Variants in FGF14 observed in about 807,000 individuals in gnomAD.
FGF14 encodes fibroblast growth factor 14, also known as fibroblast growth factor homologous factor 4.
FGF14 carries 5 observed loss-of-function variants against 25.5 expected under a neutral mutation model. That is an observed-to-expected ratio of 0.20 (90% CI 0.10 to 0.41). The LOEUF is 0.41. FGF14 is among the 10% of genes least tolerant of loss of function. The pLI is 1.00. For synonymous variants in FGF14, 138 were observed against 118.3 expected (o/e 1.17, Z -1.08); for missense variants, 222 against 320.1 (o/e 0.69, Z 2.34).
chr13:102,380,311 C>T (rs926671302), intron 1 of FGF14, among the ~76,000 whole-genome samples: 11 of 152,076 alleles, frequency 7.2e-5, no homozygotes, highest in Admixed American at 5.9e-4. Flanking sequence ...GTTTAAAGTT[C>T]AGCACGAGTG....
chr13:101,897,390 T>C (rs2030857305), intron 1 of FGF14, among the ~76,000 whole-genome samples: 1 of 152,154 alleles, frequency 6.6e-6, no homozygotes, highest in Admixed American at 6.5e-5. Flanking sequence ...CTATTTGGGG[T>C]GTGGCCAAAG....
chr13:101,727,971 T>C (rs771333632), intron 3 of FGF14, among the ~76,000 whole-genome samples: 10 of 152,182 alleles, frequency 6.6e-5, no homozygotes, highest in Non-Finnish European at 1.2e-4. Context: ...ATTTTTGGTT[T>C]TCTTCTAAAA....
intron 1 of FGF14, among the ~76,000 whole-genome samples, chr13:102,316,563 C>A (rs1437707128): frequency 6.6e-6 from 1 of 152,114 alleles, no homozygotes; most frequent in Non-Finnish European, 1.5e-5. Context: ...ACATTGAGAA[C>A]CACTTAGGAC....
chr13:101,778,342 G>A lies in FGF14; in HGVS notation c.409-51532C>T, dbSNP rs372530125. Among the ~76,000 whole-genome samples the A allele has an allele frequency of 1.1e-3, 170 of 152,246 alleles. 2 individuals carry two copies. Among genetic ancestry groups the A allele is most frequent in the African/African-American group, 4.0e-3 (165 of 41,552 alleles). On this transcript the variant is annotated intron_variant, in intron 3 of 4. Transcript: ENST00000376143. ...CTTCCCAGTACAACCCACACCATGT[G>A]AATGTTGCAACACCACTTCCATCAT...
intron 1 of FGF14, among the ~76,000 whole-genome samples, chr13:102,136,086 C>T (rs2046396867): frequency 6.6e-6 from 1 of 151,992 alleles, no homozygotes; most frequent in South Asian, 2.1e-4. Flanking sequence ...CATATTGTGA[C>T]CCAGAACTCT....
Position 101,916,389 on chromosome 13 carries a change from A to C in FGF14, c.193+64T>G, listed in dbSNP as rs968025430. On this transcript the variant is annotated intron_variant, in intron 1 of 4. Coordinates refer to ENST00000376143, the MANE Select transcript of FGF14 (RefSeq NM_004115.4). ...ACCGAGGGAGGGAAGGAGCCTGGAG[A>C]AGCTCCGTTTAGGCGGGGAGGGGGC... The C allele has an allele frequency of 9.1e-5, 144 of 1,584,318 alleles. 2 individuals are homozygous for C. In the South Asian group the frequency reaches 1.5e-3, roughly 17 times the overall value.
intron 1 of FGF14, among the ~76,000 whole-genome samples, chr13:102,258,756 G>T (rs1434672148): frequency 6.6e-6 from 1 of 152,126 alleles, no homozygotes; most frequent in Non-Finnish European, 1.5e-5. Flanking sequence ...TGTGCTCTTG[G>T]TTTCATTAAG....
At chr13:101,981,474 T>G (rs2038260613) in intron 1 of FGF14, among the ~76,000 whole-genome samples, 1 of 152,178 alleles carries the variant, frequency 6.6e-6, no homozygotes, top group Non-Finnish European at 1.5e-5. Flanking sequence ...CTGCCCAGTC[T>G]GGGGTATTTT....
chr13:101,898,452 A>T (rs951831242), intron 1 of FGF14, among the ~76,000 whole-genome samples: 1 of 152,014 alleles, frequency 6.6e-6, no homozygotes, highest in Non-Finnish European at 1.5e-5. Context: ...TGGAATATGG[A>T]TTTACTCAGT....
At chr13:102,401,866 G>C (rs956699874), upstream of FGF14, 2 of 622,528 alleles carry the variant, frequency 3.2e-6, no homozygotes, top group Middle Eastern at 8.5e-4. Flanking sequence ...AAACAGAAAA[G>C]CAAAGAGATC....
chr13:102,229,276 TTAATAAC>T lies in FGF14; in HGVS notation c.208+172188_208+172194del, dbSNP rs1301864880. ...TTAAATCATGCAACCAACAAGAGTA[TTAATAAC>T]TAATGTTTACTTAGTACTTAAGACA... On this transcript the variant is annotated intron_variant, in intron 1 of 4. Coordinates refer to the FGF14 transcript ENST00000376131. Among the ~76,000 whole-genome samples, 3 of 152,192 alleles carry T rather than the reference TTAATAAC, an allele frequency of 2.0e-5. No homozygotes were observed. The East Asian group carries it at 5.8e-4, about 29-fold the overall frequency.
chr13:102,008,501 G>C lies in FGF14; in HGVS notation c.209-133205C>G, dbSNP rs191992473. On this transcript the variant is annotated intron_variant, in intron 1 of 4. Coordinates refer to the FGF14 transcript ENST00000376131. ...GATATTATAGGTCAGGTGCTAGAAA[G>C]ACTTGACATCTTGCACTGGGAAAGT... Among the ~76,000 whole-genome samples the C allele has an allele frequency of 1.4e-4, 21 of 152,324 alleles. No individual in the cohort carries two copies. The East Asian group carries it at 2.9e-3, about 21-fold the overall frequency.
intron 1 of FGF14, among the ~76,000 whole-genome samples, chr13:101,885,669 T>C (rs546340760): frequency 5.8e-4 from 88 of 151,770 alleles, no homozygotes; most frequent in African/African-American, 2.0e-3. Context: ...AAGCCTTTTT[T>C]TGTGTGTGTA....
chr13:101,951,991 C>T (rs1284224308), intron 1 of FGF14, among the ~76,000 whole-genome samples: 7 of 152,030 alleles, frequency 4.6e-5, no homozygotes, highest in Non-Finnish European at 1.5e-5. Flanking sequence ...ACAAAATGAC[C>T]CCATTGTGTT....
chr13:102,011,310 C>T (rs1369278779), intron 1 of FGF14, among the ~76,000 whole-genome samples: 1 of 152,226 alleles, frequency 6.6e-6, no homozygotes, highest in African/African-American at 2.4e-5. Context: ...AACTGATCTA[C>T]AATCCATATT....
chr13:101,932,394 G>T (rs147648067), intron 1 of FGF14, among the ~76,000 whole-genome samples: 2 of 151,786 alleles, frequency 1.3e-5, no homozygotes, highest in Non-Finnish European at 2.9e-5. Flanking sequence ...TTAGCTGGGC[G>T]TGGTGGCTGG....
intron 1 of FGF14, among the ~76,000 whole-genome samples, chr13:102,225,577 C>G (rs191554113): frequency 6.6e-6 from 1 of 152,234 alleles, no homozygotes; most frequent in East Asian, 1.9e-4. Context: ...TTAGAATTGT[C>G]CTTGATTTTG....
intron 1 of FGF14, among the ~76,000 whole-genome samples, chr13:101,931,832 T>G (rs2034773393): frequency 6.6e-6 from 1 of 152,206 alleles, no homozygotes; most frequent in African/African-American, 2.4e-5. Flanking sequence ...ACTTCCTACA[T>G]GTCACTCCTA....
At chr13:101,857,728 T>C (rs746864172) in intron 3 of FGF14, among the ~76,000 whole-genome samples, 1 of 152,062 alleles carries the variant, frequency 6.6e-6, no homozygotes. Flanking sequence ...TCACTATTTT[T>C]CTCTAAGCTC....
Sources: gnomAD v4.1 joint callset for allele counts (sites outside exome capture counted in the v4.1 genomes callset) on GRCh38, gnomAD v4.1.1 for gene constraint, MANE v1.5 for transcripts, NCBI Gene and HGNC (gene_info 2026-07-23, HGNC 2026-07-21) for gene names.